The following RBBP8 variants were observed in gnomAD, a reference collection of about 807,000 sequenced individuals.
RBBP8 encodes RB binding protein 8, endonuclease.
Under a neutral mutation model 108.3 loss-of-function variants are expected in RBBP8, and 88 were observed. The ratio of observed to expected loss-of-function variants is 0.81; its 90% CI spans 0.68 to 0.97. RBBP8 has a LOEUF of 0.97. Among genes scored for constraint, RBBP8 ranks in the 50% least tolerant of loss-of-function variants. RBBP8 has a pLI of 0.00. For synonymous variants in RBBP8, 332 were observed against 348.2 expected (o/e 0.95, Z 0.52); for missense variants, 1,023 against 1,049.0 (o/e 0.98, Z 0.34).
intron 3 of RBBP8, among the ~76,000 whole-genome samples, 186 bp from the exon 4 acceptor site, chr18:22,949,432 T>C (rs1179740186): frequency 1.3e-5 from 2 of 152,208 alleles, no homozygotes; most frequent in Non-Finnish European, 2.9e-5. Context: ...CTTTATGGTA[T>C]ATAAGAGCTC....
At chr18:22,924,279 C>T (rs980699232) in intron 3 of RBBP8, among the ~76,000 whole-genome samples, 7 of 151,976 alleles carry the variant, frequency 4.6e-5, no homozygotes, top group African/African-American at 1.7e-4. Context: ...CAGGTGCACA[C>T]CACCACACCT....
intron 14 of RBBP8, 91 bp downstream of exon 14, chr18:22,997,825 T>G: frequency 1.1e-6 from 1 of 897,440 alleles, no homozygotes; most frequent in Non-Finnish European, 1.8e-6. Flanking sequence ...AAGTGACCTC[T>G]TCACCATAAA....
chr18:22,993,884 T>C (rs759226202), intron 12 of RBBP8, 37 bp downstream of exon 12: 1 of 1,592,710 alleles, frequency 6.3e-7, no homozygotes, highest in Admixed American at 1.7e-5. Flanking sequence ...ACTTTTTTAA[T>C]GACTTCAGAT....
intron 17 of RBBP8, among the ~76,000 whole-genome samples, chr18:23,018,182 C>T (rs1324824467): frequency 1.3e-5 from 2 of 151,936 alleles, no homozygotes; most frequent in African/African-American, 4.8e-5. Context: ...CTCTGCCTCC[C>T]GAGTAGCTGG....
chr18:22,937,326 C>G (rs1910661047), intron 2 of RBBP8, among the ~76,000 whole-genome samples: 1 of 152,040 alleles, frequency 6.6e-6, no homozygotes, highest in Non-Finnish European at 1.5e-5. Context: ...GTTGTCTGCT[C>G]AGGGTAATGG....
intron 5 of RBBP8, among the ~76,000 whole-genome samples, chr18:22,973,899 C>T (rs578029552): frequency 6.6e-6 from 1 of 152,250 alleles, no homozygotes; most frequent in East Asian, 1.9e-4. Flanking sequence ...CACTTTTAAA[C>T]CTATAAAACA....
At chr18:22,940,326 T>C (rs1331918326) in intron 2 of RBBP8, among the ~76,000 whole-genome samples, 1 of 149,590 alleles carries the variant, frequency 6.7e-6, no homozygotes, top group Non-Finnish European at 1.5e-5. Context: ...ATTTCTTTTT[T>C]TTTTTTTTTT....
intron 15 of RBBP8, among the ~76,000 whole-genome samples, chr18:23,005,223 C>T (rs899839282): frequency 9.9e-5 from 15 of 152,016 alleles, no homozygotes; most frequent in African/African-American, 3.1e-4. Context: ...TTCAATAGCA[C>T]TATATGGTGA....
chr18:22,920,001 G>GA (rs1437804257), intron 3 of RBBP8, among the ~76,000 whole-genome samples: 1 of 151,836 alleles, frequency 6.6e-6, no homozygotes, highest in Non-Finnish European at 1.5e-5. Flanking sequence ...AAGAAGGCAG[G>GA]AAAAAAACAA....
At chr18:22,991,204 A>T (rs1915677467) in intron 10 of RBBP8, among the ~76,000 whole-genome samples, 155 bp downstream of exon 10, 1 of 152,160 alleles carries the variant, frequency 6.6e-6, no homozygotes. Context: ...CTAGTTTCTG[A>T]CCAATTGAGA....
chr18:22,949,672 G>T lies in RBBP8; in HGVS notation c.207G>T (p.Gln69His). The T allele has an allele frequency of 2.5e-6, 4 of 1,611,334 alleles. No homozygotes were observed. The highest frequency in any genetic ancestry group is 3.4e-6 in the Non-Finnish European group (4 of 1,177,652). Reference protein sequence around the residue: ...FFTKNQQLREQQKVLHETIKV... With the variant: ...FFTKNQQLREHQKVLHETIKV... ...CCAAAAATCAACAGCTGAGGGAACAGCAGAAAGTCCTTCATGAAACCATTA... is the reference window on the plus strand; with the variant it reads ...CCAAAAATCAACAGCTGAGGGAACATCAGAAAGTCCTTCATGAAACCATTA... The change falls in exon 4 of 19, where the codon CAG (glutamine) becomes CAT (histidine). Residue 69 changes from glutamine to histidine, a missense_variant. By Grantham distance (24) the Gln-to-His change is conservative (BLOSUM62 0). Transcript: ENST00000327155.
chr18:22,957,291 C>CTGT lies in RBBP8; in HGVS notation c.248+7579_248+7580insGTT, dbSNP rs1912645443. Among the ~76,000 whole-genome samples the CTGT allele has an allele frequency of 7.5e-5, 7 of 92,874 alleles. No individual in the cohort carries two copies. In the South Asian group the frequency reaches 1.6e-3, roughly 21 times the overall value. 60.9% of individuals were successfully genotyped at this position (92,874 alleles called of 152,430 possible). A position where few individuals can be genotyped will look rare whatever the true frequency, so the allele number is the denominator to read the frequency against. On this transcript the variant is annotated intron_variant, in intron 4 of 18. Coordinates refer to ENST00000327155, the MANE Select transcript of RBBP8 (RefSeq NM_002894.3). ...TTATACTTTGTTGTAATTACTTTTT[C>CTGT]TTTTTTTTTTTTTTTTTTTTGCCTG...
intron 5 of RBBP8, among the ~76,000 whole-genome samples, chr18:22,970,663 A>T (rs919453586): frequency 6.6e-6 from 1 of 152,280 alleles, no homozygotes; most frequent in Non-Finnish European, 1.5e-5. Context: ...ATTTTATATG[A>T]TCGTCTTCTT....
Position 23,007,685 on chromosome 18 carries a change from G to A in RBBP8, c.2357+1253G>A, listed in dbSNP as rs1158802354. The stretch of plus-strand genomic sequence containing the variant: ...TGCACTCCAGCCTGGGCAACAGAGC[G>A]AGACTCCGTCTCAGAAAAAAAAAAA... On this transcript the variant is annotated intron_variant, in intron 16 of 18. Transcript: ENST00000327155. Among the ~76,000 whole-genome samples the A allele has an allele frequency of 7.0e-5, 9 of 128,258 alleles. No individual in the cohort carries two copies. In the South Asian group the frequency reaches 1.1e-3, roughly 16 times the overall value. The allele number at this position is 128,258 out of a possible 152,430, so 84.1% of individuals were successfully genotyped here. A position where few individuals can be genotyped will look rare whatever the true frequency, so the allele number is the denominator to read the frequency against.
At chr18:22,992,164 A>G (rs1915745988) in intron 10 of RBBP8, among the ~76,000 whole-genome samples, 1 of 152,210 alleles carries the variant, frequency 6.6e-6, no homozygotes, top group East Asian at 1.9e-4. Flanking sequence ...TCATGATCAA[A>G]TGTCGTAACA....
intron 16 of RBBP8, among the ~76,000 whole-genome samples, chr18:23,009,972 G>A (rs927073074): frequency 6.6e-6 from 1 of 152,202 alleles, no homozygotes; most frequent in Non-Finnish European, 1.5e-5. Flanking sequence ...ATGTTGGCCA[G>A]GATGGTCTCG....
intron 3 of RBBP8, among the ~76,000 whole-genome samples, chr18:22,918,966 C>T (rs1482743756): frequency 2.6e-5 from 4 of 152,084 alleles, no homozygotes; most frequent in Non-Finnish European, 5.9e-5. Context: ...CAAAAAAATT[C>T]CCTTCTGAAT....
chr18:22,981,172 G>A (rs1014256117), intron 6 of RBBP8, among the ~76,000 whole-genome samples: 2 of 151,350 alleles, frequency 1.3e-5, no homozygotes, highest in Non-Finnish European at 2.9e-5. Context: ...GGGTTTCACC[G>A]TGTTAGCCAG....
chr18:22,985,586 G>A (rs1387513101), intron 8 of RBBP8, among the ~76,000 whole-genome samples: 1 of 152,112 alleles, frequency 6.6e-6, no homozygotes, highest in Non-Finnish European at 1.5e-5. Context: ...GTGAGTAAAG[G>A]GGAGATTGGT....
Sources: allele counts gnomAD v4.1 joint callset (sites outside exome capture counted in the v4.1 genomes callset), GRCh38; gene constraint gnomAD v4.1.1; transcripts MANE v1.5; gene names NCBI Gene and HGNC (gene_info 2026-07-23, HGNC 2026-07-21).